CPXM2: variants seen among roughly 807,000 people sequenced by gnomAD.
CPXM2 encodes inactive carboxypeptidase-like protein X2.
Under a neutral mutation model 86.1 loss-of-function variants are expected in CPXM2, and 66 were observed. The ratio of observed to expected loss-of-function variants is 0.77; its 90% confidence interval spans 0.63 to 0.94. CPXM2 has a LOEUF of 0.94. Ranked by LOEUF, CPXM2 falls within the 40% of genes least tolerant of loss-of-function variation. CPXM2 has a pLI of 0.00. For missense variants in CPXM2, 948 were observed against 1,026.3 expected (o/e 0.92, Z 1.04); for synonymous variants, 388 against 400.2 (o/e 0.97, Z 0.36).
chr10:123,877,229 G>A (rs1380544325), intron 2 of CPXM2, among the ~76,000 whole-genome samples: 1 of 152,130 alleles, frequency 6.6e-6, no homozygotes, highest in East Asian at 1.9e-4. Flanking sequence ...AACAAAAGCT[G>A]TTTACAGTAG....
At chr10:123,844,831 G>A (rs1848465060) in intron 3 of CPXM2, among the ~76,000 whole-genome samples, 3 of 152,066 alleles carry the variant, frequency 2.0e-5, no homozygotes, top group Admixed American at 2.0e-4. Flanking sequence ...GAAAAGCTGA[G>A]AACCTGGGTT....
intron 4 of CPXM2, among the ~76,000 whole-genome samples, chr10:123,834,500 A>G (rs140403900): frequency 6.6e-6 from 1 of 152,348 alleles, no homozygotes; most frequent in East Asian, 1.9e-4. Context: ...CTCTGAGCAC[A>G]AGGAGGGTTG....
chr10:123,887,894 C>T (rs1945205381), intron 1 of CPXM2, among the ~76,000 whole-genome samples: 1 of 152,122 alleles, frequency 6.6e-6, no homozygotes. Flanking sequence ...AAAATAAAAG[C>T]TTAAATAAAT....
At chr10:123,825,377 T>G (rs1219707) in intron 4 of CPXM2, among the ~76,000 whole-genome samples, 96,874 of 151,886 alleles carry the variant, frequency 0.64, 33,464 homozygotes, top group Non-Finnish European at 0.77. Flanking sequence ...ACATGCTAAC[T>G]CAGCTGAATG....
intron 2 of CPXM2, among the ~76,000 whole-genome samples, chr10:123,935,250 G>A (rs1945704200): frequency 6.6e-6 from 1 of 152,208 alleles, no homozygotes; most frequent in Non-Finnish European, 1.5e-5. Context: ...ACAAGGCCTG[G>A]CTTAAACCCT....
chr10:123,771,442 C>T (rs1017498934), intron 7 of CPXM2, among the ~76,000 whole-genome samples: 1 of 152,038 alleles, frequency 6.6e-6, no homozygotes, highest in South Asian at 2.1e-4. Flanking sequence ...AGTGTCCTTA[C>T]GAAAGAGGCC....
intron 3 of CPXM2, among the ~76,000 whole-genome samples, chr10:123,861,629 A>T (rs1015064645): frequency 3.9e-5 from 6 of 152,154 alleles, no homozygotes; most frequent in Non-Finnish European, 8.8e-5. Flanking sequence ...CAGAACAGAG[A>T]ACCAGACAGG....
chr10:123,803,559 A>C (rs2134078206), intron 4 of CPXM2, among the ~76,000 whole-genome samples: 1 of 152,190 alleles, frequency 6.6e-6, no homozygotes, highest in East Asian at 1.9e-4. Flanking sequence ...CTTCTAAAAA[A>C]CGTTATTGCT....
At chr10:123,921,069 T>TA (rs1218558037) in intron 2 of CPXM2, among the ~76,000 whole-genome samples, 1 of 151,970 alleles carries the variant, frequency 6.6e-6, no homozygotes, top group Non-Finnish European at 1.5e-5. Context: ...TTTATAACAT[T>TA]AAAAAAAAGT....
intron 7 of CPXM2, among the ~76,000 whole-genome samples, chr10:123,778,723 CAAG>C (rs1221069211): frequency 2.0e-5 from 3 of 152,196 alleles, no homozygotes; most frequent in Admixed American, 2.0e-4. Context: ...TTTCTGAGCT[CAAG>C]AAGCTGTCCT....
At chr10:123,802,316 C>T (rs1258686018) in intron 4 of CPXM2, among the ~76,000 whole-genome samples, 2 of 152,184 alleles carry the variant, frequency 1.3e-5, no homozygotes, top group African/African-American at 4.8e-5. Context: ...TTTGTTTTTT[C>T]CCTGTTTAGA....
intron 13 of CPXM2, among the ~76,000 whole-genome samples, chr10:123,748,889 A>G (rs1554870980): frequency 1.3e-5 from 2 of 151,942 alleles, no homozygotes; most frequent in Non-Finnish European, 2.9e-5. Context: ...GCTACCAGGC[A>G]GTATGTCCTT....
At chr10:123,753,120 G>A (rs1846119767) in intron 13 of CPXM2, among the ~76,000 whole-genome samples, 1 of 152,108 alleles carries the variant, frequency 6.6e-6, no homozygotes, top group African/African-American at 2.4e-5. Context: ...GAGGAGGCAG[G>A]AACCCAGAGA....
At chr10:123,941,936 G>C (rs771772167), upstream of CPXM2, among the ~76,000 whole-genome samples, 1 of 152,208 alleles carries the variant, frequency 6.6e-6, no homozygotes, top group African/African-American at 2.4e-5. Flanking sequence ...AGATCCCTAT[G>C]GGCATGCCAG....
chr10:123,844,326 C>A (rs1385141863), intron 3 of CPXM2, among the ~76,000 whole-genome samples: 1 of 151,920 alleles, frequency 6.6e-6, no homozygotes, highest in Non-Finnish European at 1.5e-5. Flanking sequence ...AGGTTTGATT[C>A]TTTAAAGGGT....
intron 2 of CPXM2, among the ~76,000 whole-genome samples, chr10:123,920,618 T>C (rs991259289): frequency 3.3e-5 from 5 of 152,250 alleles, no homozygotes; most frequent in African/African-American, 1.2e-4. Context: ...TTTTATTTTT[T>C]AATATTTTCC....
At chr10:123,761,310 AC>A in intron 11 of CPXM2, among the ~76,000 whole-genome samples, 1 of 152,272 alleles carries the variant, frequency 6.6e-6, no homozygotes, top group Middle Eastern at 3.4e-3. Flanking sequence ...CGTCCTCACC[AC>A]AGGTTCAGTC....
Position 123,891,532 on chromosome 10 carries a change from C to A in CPXM2, c.128G>T (p.Arg43Leu). The change falls in exon 1 of 14, where the codon CGG (arginine) becomes CTG (leucine). Residue 43 changes from arginine (R) to leucine (L), a missense_variant. Transcript: ENST00000241305. The surrounding 1 kb of genome is among the most constrained non-coding windows in gnomAD (Gnocchi z 5.6). Reference protein sequence around the residue: ...PDYYGQEIWSREPYYARPEPE... With the variant: ...PDYYGQEIWSLEPYYARPEPE... ...CTCCGGGCGCGCGTAGTAGGGCTCC[C>A]GGCTCCAGATCTCCTGCCCGTAATA... 1 of 1,548,520 alleles carries A rather than the reference C, an allele frequency of 6.5e-7. No homozygotes were observed. Among genetic ancestry groups the A allele is most frequent in the Non-Finnish European group, 8.7e-7 (1 of 1,145,642 alleles).
At chr10:123,803,147 T>C (rs1451021255) in intron 4 of CPXM2, among the ~76,000 whole-genome samples, 1 of 96,538 alleles carries the variant, frequency 1.0e-5, no homozygotes, top group Non-Finnish European at 2.0e-5. Flanking sequence ...TTTTTTTTTT[T>C]TTTGAGACAG....
Sources: allele counts gnomAD v4.1 joint callset (sites outside exome capture counted in the v4.1 genomes callset), GRCh38; gene constraint gnomAD v4.1.1; non-coding constraint Gnocchi (gnomAD v3.1); transcripts MANE v1.5; gene names NCBI Gene and HGNC (gene_info 2026-07-23, HGNC 2026-07-21).